The following ATG9B variants were observed in gnomAD, a reference collection of about 807,000 sequenced individuals.
ATG9B encodes the protein autophagy related 9B.
A neutral mutation model predicts 92.9 loss-of-function variants in ATG9B; 92 were observed. That is an observed-to-expected ratio of 0.99 (90% CI 0.84 to 1.18). The LOEUF is 1.18. Among genes scored for constraint, ATG9B ranks in the 50% most tolerant of loss-of-function variants. The probability of loss-of-function intolerance (pLI) is 0.00; values close to 1 mark genes in which losing one functional copy is unlikely to be tolerated. For missense variants in ATG9B, 1,344 were observed against 1,235.0 expected, an observed-to-expected ratio of 1.09 and a Z score of -1.32; for synonymous variants, 599 against 551.4, an observed-to-expected ratio of 1.09 and a Z score of -1.21.
chr7:151,019,046 A>G lies in ATG9B; in HGVS notation c.1292T>C (p.Leu431Pro). ...CACTGTGCGCCCCCAGCGCGCTGCTAGGGCGCCCCGCTGGTCGCTGCGCTT... is the reference window on the plus strand; with the variant it reads ...CACTGTGCGCCCCCAGCGCGCTGCTGGGGCGCCCCGCTGGTCGCTGCGCTT... ...AYKRSDQRGALAARWGRTVLL... is the reference protein window; with the variant it reads ...AYKRSDQRGAPAARWGRTVLL... The change falls in exon 6 of 14, where the codon CTA (leucine) becomes CCA (proline). Residue 431 changes from leucine (L) to proline (P), a missense_variant. Physicochemically the swap from Leu to Pro is moderately conservative, Grantham distance 98. Transcript: ENST00000639579. The G allele has an allele frequency of 6.5e-7, 1 of 1,540,234 alleles. No individual in the cohort carries two copies. Among genetic ancestry groups the G allele is most frequent in the Non-Finnish European group, 8.7e-7 (1 of 1,148,086 alleles).
chr7:151,017,011 A>C (rs759280666), intron 9 of ATG9B, 25 bp downstream of exon 9: 87 of 1,563,370 alleles, frequency 5.6e-5, no homozygotes, highest in Non-Finnish European at 7.5e-5. Flanking sequence ...TGAAGGCAGA[A>C]GGGGAGGCCA....
intron 9 of ATG9B, 102 bp from the exon 10 acceptor site, chr7:151,016,923 T>TGGGGGC (rs1795515789): frequency 6.6e-7 from 1 of 1,510,168 alleles, no homozygotes; most frequent in African/African-American, 1.4e-5. Flanking sequence ...GAGAGCAGGC[T>TGGGGGC]GGGGGCGGGG....
At chr7:151,023,274 C>A (rs1298999734) in intron 3 of ATG9B, 68 bp from the exon 4 acceptor site, 1 of 1,608,982 alleles carries the variant, frequency 6.2e-7, no homozygotes, top group Non-Finnish European at 8.5e-7. Flanking sequence ...GCTCCTGCCC[C>A]AGCCCCCAGA....
downstream of ATG9B, chr7:151,013,315 C>A: frequency 6.2e-7 from 1 of 1,614,076 alleles, no homozygotes; most frequent in Non-Finnish European, 8.5e-7. Flanking sequence ...GTGCAGAACG[C>A]CCAGCAGCGC....
chr7:151,012,579 C>T (rs1795329785), downstream of ATG9B: 4 of 1,365,906 alleles, frequency 2.9e-6, no homozygotes, highest in Non-Finnish European at 4.0e-6. Flanking sequence ...GAAACAAAGT[C>T]CACAAAGCTG....
rs1262294083 is a variant in ATG9B, at chr7:151,017,158, G to T, written c.2167C>A (p.His723Asn). 1.2e-6 allele frequency: 2 copies of T among 1,613,170 alleles called. No homozygotes were observed. Among genetic ancestry groups the T allele is most frequent in the Admixed American group, 1.7e-5 (1 of 59,964 alleles). ...LAHPLWRPPGHSSKFLGHLWG... is the reference protein window; with the variant it reads ...LAHPLWRPPGNSSKFLGHLWG... ...AGGTGCCCAAGAAACTTAGAGCTGT[G>T]CCCTGGGGGGCGCCAGAGTGGATGC... Residue 723 changes from histidine (H) to asparagine (N), a missense_variant, in exon 9 of 14, where the codon CAC (histidine) becomes AAC (asparagine). By Grantham distance (68) the His-to-Asn change is moderately conservative. Coordinates refer to ENST00000639579, the MANE Select transcript of ATG9B (RefSeq NM_001317056.2).
At chr7:151,013,690 C>T (rs754048733), downstream of ATG9B, 5 of 1,515,630 alleles carry the variant, frequency 3.3e-6, no homozygotes, top group African/African-American at 1.4e-5. Flanking sequence ...CGCCCACCCC[C>T]ACCAGGGCCC....
chr7:151,021,161 C>G, intron 5 of ATG9B, 27 bp downstream of exon 5: 1 of 1,612,380 alleles, frequency 6.2e-7, no homozygotes, highest in East Asian at 2.2e-5. Flanking sequence ...ACGGCACCCT[C>G]TGCACAGACA....
At chr7:151,014,545 G>A (rs1795401723), downstream of ATG9B, 1 of 207,756 alleles carries the variant, frequency 4.8e-6, no homozygotes, top group African/African-American at 2.3e-5. Flanking sequence ...ATAAGGGACT[G>A]TGCCAGATGT....
At chr7:151,012,772 A>T (rs1795334418), downstream of ATG9B, 1 of 360,658 alleles carries the variant, frequency 2.8e-6, no homozygotes, top group Non-Finnish European at 5.2e-6. Flanking sequence ...TGGATTCTTG[A>T]CTGTGCCAGA....
Position 151,017,127 on chromosome 7 carries a change from C to A in ATG9B, c.2198G>T (p.Gly733Val). ...HSSKFLGHLW[G>V]RVQQDAAAWG... Reference sequence around the variant, plus strand: ...GGCAGCTGCATCTTGTTGTACTCGGCCCCAGAGGTGCCCAAGAAACTTAGA... The same window carrying A: ...GGCAGCTGCATCTTGTTGTACTCGGACCCAGAGGTGCCCAAGAAACTTAGA... Residue 733 changes from glycine (G) to valine (V), a missense_variant, in exon 9 of 14, where the codon GGC (glycine) becomes GTC (valine). Physicochemically the swap from Gly to Val is moderately radical, Grantham distance 109. Transcript: ENST00000639579. 6.2e-7 allele frequency: 1 copy of A among 1,612,526 alleles called. No individual in the cohort carries two copies. Among genetic ancestry groups the A allele is most frequent in the Non-Finnish European group, 8.5e-7 (1 of 1,179,660 alleles).
At chr7:151,017,804 T>C in intron 8 of ATG9B, 67 bp downstream of exon 8, 9 of 1,465,948 alleles carry the variant, frequency 6.1e-6, no homozygotes, top group Non-Finnish European at 8.2e-6. Context: ...GGAACTCAGG[T>C]CTGCTCCCGA....
At position 151,017,959 on chromosome 7, in the gene ATG9B, A is replaced by C; in HGVS notation, c.1964T>G (p.Phe655Cys). 1 of 1,609,000 alleles carries C rather than the reference A, an allele frequency of 6.2e-7. No homozygotes were observed. The highest frequency in any genetic ancestry group is 8.5e-7 in the Non-Finnish European group (1 of 1,177,522). ...CACATCCACAGTGAAGTGATGAAAA[A>C]AGTCGATAATCTCCAGGGCACGAGG... ...FRPRALEIID[F>C]FHHFTVDVAG... Residue 655 changes from phenylalanine (F) to cysteine (C), a missense_variant, in exon 8 of 14, where the codon TTT becomes TGT. Phe to Cys is a radical substitution (Grantham distance 205). Coordinates refer to ENST00000639579, the MANE Select transcript of ATG9B (RefSeq NM_001317056.2).
chr7:151,018,180 G>C lies in ATG9B; in HGVS notation c.1872+114C>G. ...CACCCAGTCACTCCCTAGACTCCTGGTATAGTCCGTTTGTCTCATGCCCTC... is the reference window on the plus strand; with the variant it reads ...CACCCAGTCACTCCCTAGACTCCTGCTATAGTCCGTTTGTCTCATGCCCTC... On this transcript the variant is annotated intron_variant, in intron 7 of 13. Coordinates refer to ENST00000639579, the MANE Select transcript of ATG9B (RefSeq NM_001317056.2). The surrounding 1 kb of genome is among the most constrained non-coding windows in gnomAD (Gnocchi z 4.7). 2 of 1,466,478 alleles carry C rather than the reference G, an allele frequency of 1.4e-6. No homozygotes were observed. The highest frequency in any genetic ancestry group is 1.4e-5 in the African/African-American group (1 of 70,342). 90.8% of individuals were successfully genotyped at this position (1,466,478 alleles called of 1,614,324 possible).
intron 8 of ATG9B, among the ~76,000 whole-genome samples, 196 bp downstream of exon 8, chr7:151,017,675 T>C (rs998210683): frequency 6.6e-6 from 1 of 152,242 alleles, no homozygotes; most frequent in Non-Finnish European, 1.5e-5. Context: ...AAGCCTGGCC[T>C]TGGCTGTGCT....
Position 151,023,861 on chromosome 7 carries a change from C to A in ATG9B, c.550+13G>T, listed in dbSNP as rs1367539881. 6.2e-7 allele frequency: 1 copy of A among 1,610,860 alleles called. No individual in the cohort carries two copies. Among genetic ancestry groups the A allele is most frequent in the Non-Finnish European group, 8.5e-7 (1 of 1,178,622 alleles). ...CACCACTAACCCTCTCCCACCCACA[C>A]CCACACACATACCTCGGAGCCCTTC... On this transcript the variant is annotated intron_variant, in intron 1 of 13. Coordinates refer to ENST00000639579, the MANE Select transcript of ATG9B (RefSeq NM_001317056.2).
chr7:151,021,368 G>A (rs1795742051), intron 4 of ATG9B, 39 bp from the exon 5 acceptor site: 2 of 1,540,200 alleles, frequency 1.3e-6, no homozygotes, highest in Non-Finnish European at 1.7e-6. Context: ...AGAAAGGTGG[G>A]CGCCTGAGAA....
chr7:151,021,013 G>T, intron 5 of ATG9B, 175 bp downstream of exon 5: 1 of 709,526 alleles, frequency 1.4e-6, no homozygotes, highest in Non-Finnish European at 2.4e-6. Flanking sequence ...ATGCTCTCTA[G>T]GTGGTGGTAG....
chr7:151,016,687 C>T lies in ATG9B; in HGVS notation c.2423+1G>A, dbSNP rs775460529. The T allele has an allele frequency of 6.3e-7, 1 of 1,584,084 alleles. No individual in the cohort carries two copies. The highest frequency in any genetic ancestry group is 1.1e-5 in the South Asian group (1 of 87,840). On this transcript the variant is annotated splice_donor_variant, in intron 10 of 13. Transcript: ENST00000639579. LOFTEE classifies it high-confidence loss of function. ...CCTGCATCTCAGCCTCCACTCCTCACCTGGGGTCCTGGGCAATTCGGGAAA... is the reference window on the plus strand; with the variant it reads ...CCTGCATCTCAGCCTCCACTCCTCATCTGGGGTCCTGGGCAATTCGGGAAA...
Sources: gnomAD v4.1 joint callset for allele counts (sites outside exome capture counted in the v4.1 genomes callset) on GRCh38, gnomAD v4.1.1 for gene constraint, Gnocchi (gnomAD v3.1) non-coding constraint, MANE v1.5 for transcripts, NCBI Gene and HGNC (gene_info 2026-07-23, HGNC 2026-07-21) for gene names.